The following VPS26A variants were observed in gnomAD, a reference collection of about 807,000 sequenced individuals.
The protein encoded by VPS26A is vacuolar protein sorting-associated protein 26A.
Under a neutral mutation model 42.4 loss-of-function variants are expected in VPS26A, and 22 were observed. The observed-to-expected ratio is 0.52, with a 90% confidence interval of 0.37 to 0.74. VPS26A has a LOEUF of 0.74. Among genes scored for constraint, VPS26A ranks in the 30% least tolerant of loss-of-function variants. The pLI is 0.00. For synonymous variants in VPS26A, 110 were observed against 123.5 expected, an observed-to-expected ratio of 0.89 and a Z score of 0.73; for missense variants, 276 against 379.2, an observed-to-expected ratio of 0.73 and a Z score of 2.26.
chr10:69,171,297 A>G lies in VPS26A; in HGVS notation c.*28A>G. 6.3e-7 allele frequency: 1 copy of G among 1,589,728 alleles called. No homozygotes were observed. Among genetic ancestry groups the G allele is most frequent in the Non-Finnish European group, 8.6e-7 (1 of 1,168,062 alleles). The stretch of plus-strand genomic sequence containing the variant: ...TGAACAGGAGAAAAAAAGAAAAGCA[A>G]AAAACTCCTGTAACCCTTGAGATTA... On this transcript the variant is annotated 3_prime_UTR_variant, in exon 9 of 9. Transcript: ENST00000263559.
intron 1 of VPS26A, among the ~76,000 whole-genome samples, chr10:69,129,153 G>T (rs1268035403): frequency 2.0e-5 from 3 of 151,844 alleles, no homozygotes; most frequent in Non-Finnish European, 4.4e-5. Flanking sequence ...AACTGATTTT[G>T]TTTTCCATCT....
intron 7 of VPS26A, among the ~76,000 whole-genome samples, chr10:69,167,643 T>A (rs10998616): frequency 6.8e-6 from 1 of 147,078 alleles, no homozygotes; most frequent in Non-Finnish European, 1.5e-5. Flanking sequence ...CTCGGGAGGC[T>A]GAGGCAGGAG....
chr10:69,170,736 T>A (rs1272857417), intron 8 of VPS26A, among the ~76,000 whole-genome samples: 1 of 152,158 alleles, frequency 6.6e-6, no homozygotes, highest in African/African-American at 2.4e-5. Context: ...TAAAGAGCAA[T>A]CCAAGCAATG....
chr10:69,166,040 A>G lies in VPS26A; in HGVS notation c.659-2A>G. On this transcript the variant is annotated splice_acceptor_variant, in intron 6 of 8. Transcript: ENST00000263559. LOFTEE classifies it high-confidence loss of function. ...TTAATGTTATTTACATTATTGCACT[A>G]GGACCCAGTACCACAACAGAAACAG... 6.2e-7 allele frequency: 1 copy of G among 1,612,730 alleles called. No individual in the cohort carries two copies. The highest frequency in any genetic ancestry group is 8.5e-7 in the Non-Finnish European group (1 of 1,178,808).
chr10:69,170,527 G>A (rs896663370), intron 8 of VPS26A, among the ~76,000 whole-genome samples: 2 of 152,208 alleles, frequency 1.3e-5, no homozygotes, highest in African/African-American at 4.8e-5. Context: ...GAGTTAGGTA[G>A]AGAAATCGAG....
At chr10:69,152,269 C>T (rs1841329646) in intron 2 of VPS26A, among the ~76,000 whole-genome samples, 1 of 152,180 alleles carries the variant, frequency 6.6e-6, no homozygotes, top group East Asian at 1.9e-4. Flanking sequence ...AATCAATAAT[C>T]ATTCATTTCA....
At chr10:69,141,782 C>A (rs1276789383) in intron 2 of VPS26A, among the ~76,000 whole-genome samples, 1 of 152,168 alleles carries the variant, frequency 6.6e-6, no homozygotes, top group Admixed American at 6.5e-5. Context: ...TTATATTGAT[C>A]TGTATTCATT....
At position 69,173,245 on chromosome 10, in the gene VPS26A, A is replaced by G. The variant is rs144900906; in HGVS notation, c.*1976A>G. Reference sequence around the variant, plus strand: ...TCCATTGGTTCTCAACCCTGGCTGCATATCAGAATCACCTTAGAAGCTTTT... The same window carrying G: ...TCCATTGGTTCTCAACCCTGGCTGCGTATCAGAATCACCTTAGAAGCTTTT... On this transcript the variant is annotated 3_prime_UTR_variant, in exon 9 of 9. Coordinates refer to ENST00000263559, the MANE Select transcript of VPS26A (RefSeq NM_004896.5). Among the ~76,000 whole-genome samples the G allele has an allele frequency of 3.7e-3, 570 of 152,350 alleles. 10 individuals carry two copies. Among genetic ancestry groups the G allele is most frequent in the Admixed American group, 0.032 (496 of 15,296 alleles).
intron 6 of VPS26A, among the ~76,000 whole-genome samples, chr10:69,164,315 T>C (rs1238140590): frequency 6.6e-6 from 1 of 151,964 alleles, no homozygotes; most frequent in Non-Finnish European, 1.5e-5. Context: ...ACTCCTGGAC[T>C]TGAGCAATCC....
chr10:69,140,552 T>A (rs10998601), intron 2 of VPS26A, among the ~76,000 whole-genome samples: 8,774 of 151,562 alleles, frequency 0.058, 296 homozygotes, highest in South Asian at 0.13. Context: ...TATTATTATT[T>A]TTGGTATTTT....
At chr10:69,151,264 CAA>C (rs1192297497) in intron 2 of VPS26A, among the ~76,000 whole-genome samples, 2 of 30,432 alleles carry the variant, frequency 6.6e-5, no homozygotes, top group African/African-American at 2.4e-4. Context: ...GACTCCATGT[CAA>C]AAAAAAAAAA....
intron 7 of VPS26A, among the ~76,000 whole-genome samples, chr10:69,166,987 T>C (rs865792953): frequency 6.6e-6 from 1 of 151,422 alleles, no homozygotes; most frequent in Non-Finnish European, 1.5e-5. Flanking sequence ...ATTAGCTGGG[T>C]ATGGTGGTGC....
At chr10:69,144,970 A>C (rs1339401191) in intron 2 of VPS26A, among the ~76,000 whole-genome samples, 1 of 151,388 alleles carries the variant, frequency 6.6e-6, no homozygotes, top group African/African-American at 2.4e-5. Context: ...ATCTTTGCCT[A>C]CCCCTTGGGC....
chr10:69,167,162 G>T (rs1257337412), intron 7 of VPS26A, among the ~76,000 whole-genome samples: 2 of 151,892 alleles, frequency 1.3e-5, no homozygotes, highest in Non-Finnish European at 2.9e-5. Context: ...GGGCGTGGTG[G>T]CTCACGCCTG....
Position 69,155,845 on chromosome 10 carries a change from C to A in VPS26A, c.187C>A (p.Leu63Ile). The A allele has an allele frequency of 6.2e-7, 1 of 1,612,398 alleles. No individual in the cohort carries two copies. The highest frequency in any genetic ancestry group is 1.1e-5 in the South Asian group (1 of 90,862). The change falls in exon 3 of 9, where the codon CTA becomes ATA. Residue 63 changes from leucine to isoleucine, a missense_variant. Coordinates refer to ENST00000263559, the MANE Select transcript of VPS26A (RefSeq NM_004896.5). ...NLAFKQPGKRLEHQGIRIEFV... is the reference protein window; with the variant it reads ...NLAFKQPGKRIEHQGIRIEFV... The stretch of plus-strand genomic sequence containing the variant: ...AGCCTTTAAGCAACCTGGAAAGAGG[C>A]TAGAACACCAAGGAATTAGAATTGA...
intron 2 of VPS26A, among the ~76,000 whole-genome samples, chr10:69,137,262 A>G (rs1184112232): frequency 6.6e-6 from 1 of 152,186 alleles, no homozygotes; most frequent in Non-Finnish European, 1.5e-5. Context: ...ATTACCACAA[A>G]CTTAGCAACC....
chr10:69,138,936 AT>A (rs924346740), intron 2 of VPS26A, among the ~76,000 whole-genome samples: 37 of 152,236 alleles, frequency 2.4e-4, no homozygotes, highest in African/African-American at 8.7e-4. Context: ...GTTAAAAAAA[AT>A]TTAGCATTTG....
At chr10:69,157,518 AC>A (rs1205827864) in intron 4 of VPS26A, among the ~76,000 whole-genome samples, 4 of 152,230 alleles carry the variant, frequency 2.6e-5, no homozygotes, top group Non-Finnish European at 4.4e-5. Context: ...AGGCTCTGAT[AC>A]ATCTAAAATG....
At chr10:69,142,891 T>G (rs1009326039) in intron 2 of VPS26A, among the ~76,000 whole-genome samples, 1 of 152,190 alleles carries the variant, frequency 6.6e-6, no homozygotes, top group African/African-American at 2.4e-5. Context: ...GCGATAATAC[T>G]GAAAGAATTT....
Sources: gnomAD v4.1 joint callset for allele counts (sites outside exome capture counted in the v4.1 genomes callset) on GRCh38, gnomAD v4.1.1 for gene constraint, MANE v1.5 for transcripts, NCBI Gene and HGNC (gene_info 2026-07-23, HGNC 2026-07-21) for gene names.